Variants in SCEL observed in about 807,000 individuals in gnomAD.
The protein encoded by SCEL is sciellin.
SCEL carries 113 observed loss-of-function variants against 117.6 expected under a neutral mutation model. The observed-to-expected ratio is 0.96, with a 90% CI of 0.83 to 1.12. SCEL has a LOEUF of 1.12. SCEL is among the 50% of genes most tolerant of loss of function. SCEL has a pLI of 0.00. For missense variants in SCEL, 785 were observed against 810.8 expected, an observed-to-expected ratio of 0.97 and a Z score of 0.39; for synonymous variants, 270 against 256.2, an observed-to-expected ratio of 1.05 and a Z score of -0.51.
intron 21 of SCEL, 105 bp downstream of exon 21, chr13:77,609,222 A>G (rs2088460031): frequency 1.0e-6 from 1 of 970,528 alleles, no homozygotes; most frequent in African/African-American, 1.7e-5. Flanking sequence ...TGATCCTTCA[A>G]GAAAAGCCAT....
intron 1 of SCEL, among the ~76,000 whole-genome samples, chr13:77,538,307 G>A (rs1567324234): frequency 1.3e-5 from 2 of 151,942 alleles, no homozygotes; most frequent in Non-Finnish European, 1.5e-5. Flanking sequence ...AGTATAGACG[G>A]GGTTTCACCA....
At chr13:77,637,091 T>C in intron 29 of SCEL, 29 bp from the exon 30 acceptor site, 1 of 1,176,320 alleles carries the variant, frequency 8.5e-7, no homozygotes, top group Non-Finnish European at 1.2e-6. Context: ...ATCACCTGAT[T>C]CTCACATGTC....
chr13:77,560,911 G>A (rs2084943686), intron 4 of SCEL, among the ~76,000 whole-genome samples: 2 of 151,054 alleles, frequency 1.3e-5, no homozygotes, highest in South Asian at 4.1e-4. Flanking sequence ...GTCTATTTTG[G>A]AAACTTTTGT....
chr13:77,642,343 C>T (rs189510685), intron 31 of SCEL, among the ~76,000 whole-genome samples: 35 of 152,258 alleles, frequency 2.3e-4, no homozygotes, highest in Middle Eastern at 3.4e-3. Context: ...AGCGGTCAGC[C>T]CTTTCCTACT....
intron 28 of SCEL, among the ~76,000 whole-genome samples, chr13:77,632,072 T>C (rs1054551510): frequency 6.6e-6 from 1 of 152,250 alleles, no homozygotes; most frequent in African/African-American, 2.4e-5. Context: ...ATTCCAGTTC[T>C]GTGGCATTAA....
At chr13:77,599,655 G>A in intron 14 of SCEL, 34 bp from the exon 15 acceptor site, 1 of 1,486,932 alleles carries the variant, frequency 6.7e-7, no homozygotes, top group Non-Finnish European at 9.4e-7. Context: ...ATTTCAGTAT[G>A]CAGCCTTTTA....
At chr13:77,563,797 A>T (rs879081992) in intron 4 of SCEL, 34 bp from the exon 5 acceptor site, 5 of 1,232,466 alleles carry the variant, frequency 4.1e-6, no homozygotes, top group South Asian at 3.0e-5. Flanking sequence ...AATTGATTTG[A>T]TTTTTTTTTT....
intron 14 of SCEL, 150 bp from the exon 15 acceptor site, chr13:77,599,539 A>C: frequency 1.2e-6 from 1 of 865,578 alleles, no homozygotes; most frequent in South Asian, 1.5e-5. Flanking sequence ...TTTAGTTCAG[A>C]CATAATTACC....
chr13:77,599,273 A>G (rs2087470850), intron 13 of SCEL, 56 bp from the exon 14 acceptor site: 2 of 1,237,718 alleles, frequency 1.6e-6, no homozygotes, highest in Non-Finnish European at 1.2e-6. Flanking sequence ...GTTCTTATAG[A>G]GTTAAGCATT....
chr13:77,596,056 G>T (rs1395797957), intron 12 of SCEL, among the ~76,000 whole-genome samples: 1 of 152,136 alleles, frequency 6.6e-6, no homozygotes, highest in Non-Finnish European at 1.5e-5. Context: ...TACTAGGTTG[G>T]GCGTGGTGGC....
chr13:77,598,436 T>C (rs1461374246), intron 13 of SCEL, among the ~76,000 whole-genome samples: 1 of 152,180 alleles, frequency 6.6e-6, no homozygotes, highest in Non-Finnish European at 1.5e-5. Flanking sequence ...TGCTCTTCAG[T>C]TTCCTCATTT....
chr13:77,613,774 T>C (rs1168791529), intron 23 of SCEL, 119 bp from the exon 24 acceptor site: 4 of 781,656 alleles, frequency 5.1e-6, no homozygotes, highest in Non-Finnish European at 8.8e-6. Context: ...ATATATAAAT[T>C]GGAAACTCAG....
chr13:77,539,568 C>CG, intron 1 of SCEL, among the ~76,000 whole-genome samples: 2 of 150,954 alleles, frequency 1.3e-5, no homozygotes, highest in East Asian at 3.9e-4. Flanking sequence ...GACAGAGTCT[C>CG]GCTCTTTCAC....
intron 30 of SCEL, 77 bp downstream of exon 30, chr13:77,637,271 C>G: frequency 3.1e-6 from 1 of 322,404 alleles, no homozygotes; most frequent in Non-Finnish European, 5.6e-6. Context: ...TATATATACA[C>G]ACACACAGGC....
chr13:77,571,515 C>A (rs7982585), intron 8 of SCEL, among the ~76,000 whole-genome samples: 27,091 of 151,482 alleles, frequency 0.18, 2,772 homozygotes, highest in African/African-American at 0.26. Flanking sequence ...ATGGAGAAAC[C>A]CCATCTCTAC....
At chr13:77,636,667 A>T (rs1200915568) in intron 29 of SCEL, among the ~76,000 whole-genome samples, 2 of 152,204 alleles carry the variant, frequency 1.3e-5, no homozygotes, top group African/African-American at 2.4e-5. Flanking sequence ...TCTTTCTTGG[A>T]TATATTCAAG....
Position 77,572,124 on chromosome 13 carries a change from G to A in SCEL, c.480G>A (p.Arg160=). 6.2e-7 allele frequency: 1 copy of A among 1,611,944 alleles called. No individual in the cohort carries two copies. The highest frequency in any genetic ancestry group is 8.5e-7 in the Non-Finnish European group (1 of 1,178,366). Residue 160 remains arginine (R), a splice_region_variant and synonymous_variant, in exon 9 of 33, where the codon AGG becomes AGA. Coordinates refer to ENST00000349847, the MANE Select transcript of SCEL (RefSeq NM_144777.3). ...TSATTPVKKK[R]QSWFPPPPPG... The stretch of plus-strand genomic sequence containing the variant: ...TTATTACCGTGTCATTTCTTAACAG[G>A]CAGTCCTGGTTTCCACCGCCCCCTC...
chr13:77,552,285 G>A (rs1203443804), intron 1 of SCEL, among the ~76,000 whole-genome samples: 3 of 149,546 alleles, frequency 2.0e-5, no homozygotes, highest in Non-Finnish European at 4.5e-5. Context: ...CTTCCACAAT[G>A]GTTGAACTAG....
chr13:77,628,250 T>G (rs1241929996), intron 28 of SCEL, among the ~76,000 whole-genome samples: 3 of 151,308 alleles, frequency 2.0e-5, no homozygotes, highest in Non-Finnish European at 1.5e-5. Context: ...ATTAATATAA[T>G]TCTTATTCTG....
Sources: allele counts gnomAD v4.1 joint callset (sites outside exome capture counted in the v4.1 genomes callset), GRCh38; gene constraint gnomAD v4.1.1; transcripts MANE v1.5; gene names NCBI Gene and HGNC (gene_info 2026-07-23, HGNC 2026-07-21).